The following TPPP variants were observed in gnomAD, a reference collection of about 807,000 sequenced individuals.
TPPP encodes the protein tubulin polymerization-promoting protein.
A neutral mutation model predicts 15.5 loss-of-function variants in TPPP; 6 were observed. That is an observed-to-expected ratio of 0.39 (90% CI 0.21 to 0.77). The LOEUF (loss-of-function observed/expected upper bound fraction) is 0.77, where lower values mean the gene tolerates loss of function less well. TPPP is among the 30% of genes least tolerant of loss of function. The pLI, the probability that TPPP is intolerant of heterozygous loss-of-function variation, is 0.42. For missense variants in TPPP, 269 were observed against 307.2 expected (o/e 0.88, Z 0.93); for synonymous variants, 146 against 133.9 (o/e 1.09, Z -0.63).
chr5:677,645 C>G, intron 2 of TPPP, 105 bp downstream of exon 2: 1 of 1,096,930 alleles, frequency 9.1e-7, no homozygotes, highest in South Asian at 1.7e-5. Flanking sequence ...GAAGCACAAC[C>G]CCCTCCACTC....
At chr5:693,639 G>C (rs550634850), upstream of TPPP, among the ~76,000 whole-genome samples, 7 of 151,746 alleles carry the variant, frequency 4.6e-5, no homozygotes, top group East Asian at 1.4e-3. Context: ...TGGGCAGGGG[G>C]CGGCGGGGCC....
intron 2 of TPPP, among the ~76,000 whole-genome samples, chr5:671,039 T>TG (rs1284037732): frequency 2.6e-5 from 4 of 151,984 alleles, no homozygotes; most frequent in Non-Finnish European, 5.9e-5. Context: ...CTCCCATTGC[T>TG]GCACCAGCTC....
chr5:675,536 GA>G lies in TPPP; in HGVS notation c.311+2213del, dbSNP rs1561087381. Among the ~76,000 whole-genome samples, 654 of 130,080 alleles carry G rather than the reference GA, an allele frequency of 5.0e-3. 16 individuals are homozygous for G. Among genetic ancestry groups the G allele is most frequent in the African/African-American group, 0.017 (625 of 37,226 alleles). The allele number at this position is 130,080 out of a possible 152,430, so 85.3% of individuals were successfully genotyped here. On this transcript the variant is annotated intron_variant, in intron 2 of 3. Transcript: ENST00000360578. Reference sequence around the variant, plus strand: ...TGACCAGGGGTGCAGTGTGGCCGGGGATGCCGTGTGGCCGGGGGTGCAGTGT... The same window carrying G: ...TGACCAGGGGTGCAGTGTGGCCGGGGTGCCGTGTGGCCGGGGGTGCAGTGT...
intron 1 of TPPP, among the ~76,000 whole-genome samples, chr5:692,206 GC>G (rs1396557062): frequency 2.9e-4 from 18 of 61,104 alleles, no homozygotes; most frequent in African/African-American, 1.2e-3. Context: ...CAAAACAGCA[GC>G]CCCCCAACCC....
chr5:692,457 T>G, intron 1 of TPPP: 32 of 443,388 alleles, frequency 7.2e-5, no homozygotes, highest in East Asian at 3.0e-4. Context: ...TCCCAACCCC[T>G]ATCAAAACAG....
chr5:671,286 G>C (rs116646845), intron 2 of TPPP, among the ~76,000 whole-genome samples: 2,086 of 152,290 alleles, frequency 0.014, 39 homozygotes, highest in African/African-American at 0.047. Flanking sequence ...CCGCCCTGTG[G>C]ACATCACTAG....
At chr5:682,728 T>TC (rs1561092088) in intron 1 of TPPP, among the ~76,000 whole-genome samples, 1 of 152,174 alleles carries the variant, frequency 6.6e-6, no homozygotes, top group Non-Finnish European at 1.5e-5. Context: ...GCCTCGGTGC[T>TC]CCCTTGTTCA....
intron 2 of TPPP, among the ~76,000 whole-genome samples, chr5:673,140 C>T (rs1740281330): frequency 6.6e-6 from 1 of 151,476 alleles, no homozygotes. Flanking sequence ...CACCCCCTCC[C>T]CAAAATGCAA....
chr5:671,520 G>C (rs1243996192), intron 2 of TPPP, among the ~76,000 whole-genome samples: 1 of 152,228 alleles, frequency 6.6e-6, no homozygotes, highest in Non-Finnish European at 1.5e-5. Context: ...AGGCTCATGG[G>C]GCAAAGTGGA....
chr5:671,201 C>G (rs1740210541), intron 2 of TPPP, among the ~76,000 whole-genome samples: 1 of 149,936 alleles, frequency 6.7e-6, no homozygotes, highest in South Asian at 2.1e-4. Flanking sequence ...CCTGCGCTTG[C>G]TGCTAATTAA....
chr5:694,228 T>C (rs1477037914), upstream of TPPP, among the ~76,000 whole-genome samples: 4 of 151,758 alleles, frequency 2.6e-5, no homozygotes, highest in African/African-American at 7.2e-5. Flanking sequence ...AGGAGTTGGC[T>C]CCCCACAAGG....
chr5:679,444 G>A (rs1740561327), intron 1 of TPPP, among the ~76,000 whole-genome samples: 1 of 149,534 alleles, frequency 6.7e-6, no homozygotes, highest in African/African-American at 2.5e-5. Context: ...GCAGGATCCT[G>A]GGGGTGGAAG....
At chr5:695,536 T>A (rs1321147814), upstream of TPPP, among the ~76,000 whole-genome samples, 1 of 148,958 alleles carries the variant, frequency 6.7e-6, no homozygotes, top group Non-Finnish European at 1.5e-5. Context: ...CAACAGGGCT[T>A]TCCTCTTACG....
rs192824490 is a variant in TPPP, at chr5:668,205, A to G, written c.312-2082T>C. On this transcript the variant is annotated intron_variant, in intron 2 of 3. Transcript: ENST00000360578. Reference sequence around the variant, plus strand: ...TCCGCGTGGGCGCCGTCAGGGAAGTACCGACAAGCACACAGAGAGGGGGCC... The same window carrying G: ...TCCGCGTGGGCGCCGTCAGGGAAGTGCCGACAAGCACACAGAGAGGGGGCC... Among the ~76,000 whole-genome samples, 241 of 38,836 alleles carry G rather than the reference A, an allele frequency of 6.2e-3. 4 individuals are homozygous for G. The highest frequency in any genetic ancestry group is 0.016 in the African/African-American group (146 of 9,004). The allele number at this position is 38,836 out of a possible 152,430, so 25.5% of individuals were successfully genotyped here.
chr5:673,976 C>T (rs1485868767), intron 2 of TPPP, among the ~76,000 whole-genome samples: 1 of 152,222 alleles, frequency 6.6e-6, no homozygotes, highest in African/African-American at 2.4e-5. Flanking sequence ...TGCATGCACA[C>T]ATGCGCCATA....
chr5:682,285 A>T (rs1054672185), intron 1 of TPPP, among the ~76,000 whole-genome samples: 2 of 141,882 alleles, frequency 1.4e-5, no homozygotes, highest in Non-Finnish European at 3.0e-5. Flanking sequence ...CACTTGGGCC[A>T]GGGGGTTCTC....
At chr5:681,757 C>T (rs1261666571) in intron 1 of TPPP, among the ~76,000 whole-genome samples, 2 of 149,018 alleles carry the variant, frequency 1.3e-5, no homozygotes, top group Non-Finnish European at 3.0e-5. Flanking sequence ...ACTGTGTTGT[C>T]CAACTGGCAT....
At chr5:665,596 C>CCTCCAGG (rs1739863939) in intron 3 of TPPP, among the ~76,000 whole-genome samples, 1 of 150,428 alleles carries the variant, frequency 6.6e-6, no homozygotes, top group Non-Finnish European at 1.5e-5. Context: ...CAGGCCCCAC[C>CCTCCAGG]CTCCAGGCTA....
chr5:700,666 A>G, the TPPP span, among the ~76,000 whole-genome samples: 6 of 150,480 alleles, frequency 4.0e-5, no homozygotes, highest in Non-Finnish European at 8.8e-5. Flanking sequence ...AATAAGGTTT[A>G]CCTAGGTGTG....
Sources: allele counts gnomAD v4.1 joint callset (sites outside exome capture counted in the v4.1 genomes callset), GRCh38; gene constraint gnomAD v4.1.1; transcripts MANE v1.5; gene names NCBI Gene and HGNC (gene_info 2026-07-23, HGNC 2026-07-21).